Variants in SLC25A21 observed in about 807,000 individuals in gnomAD.
The protein encoded by SLC25A21 is solute carrier family 25 member 21, also known as mitochondrial 2-oxodicarboxylate carrier.
Under a neutral mutation model 43.8 loss-of-function variants are expected in SLC25A21, and 47 were observed. The ratio of observed to expected loss-of-function variants is 1.07; its 90% CI spans 0.85 to 1.37. The LOEUF (loss-of-function observed/expected upper bound fraction) is 1.37, where lower values mean the gene tolerates loss of function less well. SLC25A21 is among the 40% of genes most tolerant of loss of function. SLC25A21 has a pLI of 0.00. For synonymous variants in SLC25A21, 131 were observed against 121.3 expected (o/e 1.08, Z -0.52); for missense variants, 352 against 350.2 (o/e 1.00, Z -0.04).
intron 3 of SLC25A21, among the ~76,000 whole-genome samples, chr14:36,758,590 C>A (rs1359370087): frequency 4.1e-3 from 522 of 127,390 alleles, no homozygotes; most frequent in Middle Eastern, 8.6e-3. Context: ...TCAGCCAGGT[C>A]AAAAAAAAAA....
At chr14:36,766,733 A>C (rs1171163581) in intron 3 of SLC25A21, among the ~76,000 whole-genome samples, 1 of 152,108 alleles carries the variant, frequency 6.6e-6, no homozygotes, top group Non-Finnish European at 1.5e-5. Flanking sequence ...CATGGTGGAA[A>C]GGGTCAGGCC....
intron 1 of SLC25A21, among the ~76,000 whole-genome samples, chr14:37,159,235 T>C (rs976746635): frequency 3.3e-5 from 5 of 149,524 alleles, no homozygotes; most frequent in African/African-American, 1.2e-4. Flanking sequence ...AATCTTAAAA[T>C]CCATAGGGAA....
chr14:36,764,134 AGG>A (rs1491376231), intron 3 of SLC25A21, among the ~76,000 whole-genome samples: 5 of 64,294 alleles, frequency 7.8e-5, no homozygotes, highest in African/African-American at 3.6e-4. Context: ...GAAGGAAAGA[AGG>A]AAAGAAGGAA....
chr14:37,034,391 G>A (rs1239626191), intron 1 of SLC25A21, among the ~76,000 whole-genome samples: 2 of 152,120 alleles, frequency 1.3e-5, no homozygotes, highest in African/African-American at 4.8e-5. Flanking sequence ...TTCTCTGTCT[G>A]ATCGTATATG....
chr14:37,080,469 G>A (rs1464399790), intron 1 of SLC25A21, among the ~76,000 whole-genome samples: 2 of 152,228 alleles, frequency 1.3e-5, no homozygotes, highest in Middle Eastern at 3.4e-3. Context: ...GCATGGTGGT[G>A]TGCACCTGTG....
intron 3 of SLC25A21, chr14:36,809,251 T>C (rs1408087802): frequency 1.3e-5 from 2 of 152,094 alleles, no homozygotes; most frequent in East Asian, 1.9e-4. Flanking sequence ...AGATGAAAAG[T>C]TGTGGTGATG....
intron 1 of SLC25A21, among the ~76,000 whole-genome samples, chr14:37,005,679 T>C (rs886812496): frequency 6.6e-6 from 1 of 151,756 alleles, no homozygotes; most frequent in African/African-American, 2.4e-5. Context: ...ATCTTTCATG[T>C]GTAGATACAC....
At chr14:37,057,225 C>T (rs1242890773) in intron 1 of SLC25A21, among the ~76,000 whole-genome samples, 1 of 152,162 alleles carries the variant, frequency 6.6e-6, no homozygotes, top group Non-Finnish European at 1.5e-5. Context: ...TGACGTTCCT[C>T]ACCCAGCTCA....
chr14:37,065,172 C>T (rs887082576), intron 1 of SLC25A21, among the ~76,000 whole-genome samples: 1 of 152,110 alleles, frequency 6.6e-6, no homozygotes, highest in Admixed American at 6.5e-5. Flanking sequence ...GATGAGGTGA[C>T]ACTTGAGATT....
chr14:37,160,874 G>C (rs765005899), intron 1 of SLC25A21, among the ~76,000 whole-genome samples: 13 of 151,196 alleles, frequency 8.6e-5, no homozygotes, highest in Non-Finnish European at 1.8e-4. Flanking sequence ...AGGTTGCAGT[G>C]AGCAGAGATG....
At chr14:36,775,657 G>A (rs911723681) in intron 3 of SLC25A21, among the ~76,000 whole-genome samples, 14 of 152,020 alleles carry the variant, frequency 9.2e-5, no homozygotes, top group African/African-American at 2.2e-4. Flanking sequence ...GTTCATAACC[G>A]AGCAACCAAC....
At chr14:36,949,176 C>T (rs749713552) in intron 1 of SLC25A21, among the ~76,000 whole-genome samples, 9 of 152,174 alleles carry the variant, frequency 5.9e-5, no homozygotes, top group Admixed American at 2.0e-4. Context: ...TGACTTGTCT[C>T]AGTCACCACA....
At chr14:36,894,085 T>C (rs999061414) in intron 1 of SLC25A21, among the ~76,000 whole-genome samples, 1 of 152,222 alleles carries the variant, frequency 6.6e-6, no homozygotes, top group Non-Finnish European at 1.5e-5. Flanking sequence ...AGAAAGTCAT[T>C]GGTAGCTTGA....
intron 1 of SLC25A21, among the ~76,000 whole-genome samples, chr14:37,019,085 G>A (rs10140373): frequency 0.47 from 70,702 of 151,678 alleles, 19,415 homozygotes; most frequent in African/African-American, 0.78. Context: ...AGGTCATCTT[G>A]CATCAGTAAT....
chr14:36,797,286 A>G (rs1198580032), intron 3 of SLC25A21, among the ~76,000 whole-genome samples: 2 of 152,312 alleles, frequency 1.3e-5, no homozygotes, highest in East Asian at 3.9e-4. Flanking sequence ...AGATTTTTTA[A>G]GACCTTTCAA....
At chr14:36,686,953 T>A (rs1448223145) in intron 7 of SLC25A21, among the ~76,000 whole-genome samples, 3 of 152,064 alleles carry the variant, frequency 2.0e-5, no homozygotes, top group Non-Finnish European at 2.9e-5. Flanking sequence ...TCCACCTTTG[T>A]TTGTATTTAT....
intron 2 of SLC25A21, among the ~76,000 whole-genome samples, chr14:36,825,925 G>A (rs1271642944): frequency 1.3e-5 from 2 of 152,108 alleles, no homozygotes; most frequent in African/African-American, 4.8e-5. Flanking sequence ...ATTTAAGTGA[G>A]CAGATTAGAG....
intron 3 of SLC25A21, 27 bp from the exon 4 acceptor site, chr14:36,734,600 T>C (rs1420896978): frequency 6.4e-7 from 1 of 1,551,982 alleles, no homozygotes; most frequent in Non-Finnish European, 8.8e-7. Flanking sequence ...AGATTTCCTA[T>C]GAGTAAGGAA....
At position 37,139,024 on chromosome 14, in the gene SLC25A21, C is replaced by T. The variant is rs546935930; in HGVS notation, c.70+33257G>A. Among the ~76,000 whole-genome samples the T allele has an allele frequency of 2.4e-4, 36 of 152,122 alleles. No individual in the cohort carries two copies. The East Asian group carries it at 5.8e-3, about 24-fold the overall frequency. On this transcript the variant is annotated intron_variant, in intron 1 of 9. Transcript: ENST00000331299. ...TTTCATAATCAGCTCTTTTGTACTA[C>T]GTGGAATTCCATAAAAGATAGAACA... is the stretch of plus-strand genomic sequence containing the variant.
Sources: gnomAD v4.1 joint callset for allele counts (sites outside exome capture counted in the v4.1 genomes callset) on GRCh38, gnomAD v4.1.1 for gene constraint, MANE v1.5 for transcripts, NCBI Gene and HGNC (gene_info 2026-07-23, HGNC 2026-07-21) for gene names.